The following SLC16A5 variants were observed in gnomAD, a reference collection of about 807,000 sequenced individuals.
SLC16A5 encodes monocarboxylate transporter 6.
SLC16A5 carries 29 observed loss-of-function variants against 33.2 expected under a neutral mutation model. The ratio of observed to expected loss-of-function variants is 0.87; its 90% CI spans 0.65 to 1.19. SLC16A5 has a LOEUF of 1.19. Ranked by LOEUF, SLC16A5 falls within the 50% of genes most tolerant of loss-of-function variation. The pLI is 0.00. For synonymous variants in SLC16A5, 248 were observed against 284.1 expected (o/e 0.87, Z 1.28); for missense variants, 606 against 678.2 (o/e 0.89, Z 1.18).
downstream of SLC16A5, among the ~76,000 whole-genome samples, chr17:75,106,914 A>G (rs1481678142): frequency 6.6e-6 from 1 of 150,656 alleles, no homozygotes; most frequent in Admixed American, 6.6e-5. Flanking sequence ...CAAACAAAAA[A>G]AACACTTTGG....
chr17:75,101,561 G>GAAA (rs531652324), intron 5 of SLC16A5, among the ~76,000 whole-genome samples: 7 of 45,668 alleles, frequency 1.5e-4, no homozygotes, highest in African/African-American at 3.1e-4. Context: ...GACTCCATCT[G>GAAA]AAAAAAAAAA....
intron 6 of SLC16A5, 168 bp from the exon 7 acceptor site, chr17:75,105,708 AAACT>A: frequency 1.0e-6 from 1 of 985,442 alleles, no homozygotes; most frequent in Middle Eastern, 5.2e-4. Context: ...AGCAGGTCAT[AAACT>A]CTGTGAACTA....
intron 2 of SLC16A5, chr17:75,089,841 C>G (rs1465805800): frequency 6.6e-6 from 1 of 151,056 alleles, no homozygotes; most frequent in African/African-American, 2.4e-5. Flanking sequence ...TCCCAGGATG[C>G]TGCTAGGGCT....
At chr17:75,102,816 T>G (rs1330400514) in intron 5 of SLC16A5, among the ~76,000 whole-genome samples, 5 of 151,736 alleles carry the variant, frequency 3.3e-5, no homozygotes, top group Non-Finnish European at 5.9e-5. Context: ...CACTACAACC[T>G]CTGCCTCCCA....
At chr17:75,108,399 A>G (rs1407705601), downstream of SLC16A5, among the ~76,000 whole-genome samples, 1 of 152,178 alleles carries the variant, frequency 6.6e-6, no homozygotes, top group Non-Finnish European at 1.5e-5. Context: ...AGGTACCCAG[A>G]CTAAGTTAGA....
At chr17:75,106,859 C>A (rs963539386), downstream of SLC16A5, among the ~76,000 whole-genome samples, 2 of 151,978 alleles carry the variant, frequency 1.3e-5, no homozygotes, top group African/African-American at 4.8e-5. Flanking sequence ...CACGCCACTG[C>A]ACTACAGCCT....
At chr17:75,100,876 G>T in intron 5 of SLC16A5, 60 bp downstream of exon 5, 9 of 1,432,598 alleles carry the variant, frequency 6.3e-6, no homozygotes, top group Non-Finnish European at 8.4e-6. Flanking sequence ...AGTTTAGACA[G>T]ATCTGGGCCC....
intron 6 of SLC16A5, 44 bp from the exon 7 acceptor site, chr17:75,105,836 C>T (rs2073855757): frequency 1.3e-6 from 2 of 1,514,898 alleles, no homozygotes; most frequent in Non-Finnish European, 8.9e-7. Flanking sequence ...CTCAACCAGG[C>T]TCCGCAAGAA....
At chr17:75,105,786 A>C in intron 6 of SLC16A5, 94 bp from the exon 7 acceptor site, 1 of 1,439,770 alleles carries the variant, frequency 6.9e-7, no homozygotes, top group East Asian at 2.6e-5. Flanking sequence ...CTAGCTCAGC[A>C]AGGGGTGCTC....
In SLC16A5 at chr17:75,100,105, G is replaced by A. The variant is rs375826033; in HGVS notation, c.442G>A (p.Val148Ile). 121 of 1,613,916 alleles carry A rather than the reference G, an allele frequency of 7.5e-5. 1 individual carries two copies. The highest frequency in any genetic ancestry group is 3.7e-4 in the Admixed American group (22 of 59,994). ...VLANALASMG[V>I]SLGITLWPLL... Reference sequence around the variant, plus strand: ...GGCCAACGCGCTGGCCTCGATGGGCGTCTCCCTGGGCATCACCCTCTGGCC... The same window carrying A: ...GGCCAACGCGCTGGCCTCGATGGGCATCTCCCTGGGCATCACCCTCTGGCC... The change falls in exon 5 of 7, where the codon GTC becomes ATC. Residue 148 changes from valine to isoleucine, a missense_variant. Coordinates refer to ENST00000329783, the MANE Select transcript of SLC16A5 (RefSeq NM_004695.4).
At chr17:75,088,855 C>T (rs560427316) in intron 1 of SLC16A5, 1 of 152,374 alleles carries the variant, frequency 6.6e-6, no homozygotes, top group South Asian at 2.1e-4. Context: ...TTCCCAGGGC[C>T]TAGTGAGGCC....
At chr17:75,093,937 T>C in intron 3 of SLC16A5, 102 bp downstream of exon 3, 1 of 1,482,592 alleles carries the variant, frequency 6.7e-7, no homozygotes, top group Non-Finnish European at 9.0e-7. Flanking sequence ...CCACAGGCTT[T>C]GCCTCCTGGG....
Position 75,098,045 on chromosome 17 carries a change from G to A in SLC16A5, c.207G>A (p.Leu69=), listed in dbSNP as rs61738950. The change falls in exon 4 of 7, where the codon CTG becomes CTA. Residue 69 remains leucine (L), a synonymous_variant. Transcript: ENST00000329783. ...GGCTGTCTTCTCCCACAGGGCCCCT[G>A]TGCAGCATCCTGGTGGGACGCTTCG... ...LTAVLHMAGP[L]CSILVGRFGC... 1.2e-3 allele frequency: 1,857 copies of A among 1,597,020 alleles called. 20 individuals are homozygous for A. In the African/African-American group the frequency reaches 0.023, roughly 20 times the overall value.
At position 75,104,036 on chromosome 17, in the gene SLC16A5, C is replaced by T. The variant is rs764269071; in HGVS notation, c.1220C>T (p.Ser407Leu). 3.7e-6 allele frequency: 6 copies of T among 1,614,138 alleles called. No homozygotes were observed. The highest frequency in any genetic ancestry group is 2.7e-5 in the African/African-American group (2 of 74,938). Residue 407 changes from serine to leucine, a missense_variant, in exon 6 of 7, where the codon TCA (serine) becomes TTA (leucine). Physicochemically the swap from Ser to Leu is moderately radical, Grantham distance 145. Coordinates refer to ENST00000329783, the MANE Select transcript of SLC16A5 (RefSeq NM_004695.4). ...TACATGTCCAGCTTCTTCCTCATCT[C>T]AGCTGCCCTCTTCATGGGTGGCAGC... ...VFYMSSFFLI[S>L]AALFMGGSFY...
At position 75,100,726 on chromosome 17, in the gene SLC16A5, G is replaced by A. The variant is rs767323165; in HGVS notation, c.1063G>A (p.Asp355Asn). Residue 355 changes from aspartate (D) to asparagine (N), a missense_variant, in exon 5 of 7, where the codon GAC (aspartate) becomes AAC (asparagine). Transcript: ENST00000329783. Reference sequence around the variant, plus strand: ...CGCCCTCATCTTCCAGGTTCTCATGGACATCGTCCCCATGGATCAGTTCCC... The same window carrying A: ...CGCCCTCATCTTCCAGGTTCTCATGAACATCGTCCCCATGGATCAGTTCCC... ...IGALIFQVLMDIVPMDQFPRA... is the reference protein window; with the variant it reads ...IGALIFQVLMNIVPMDQFPRA... 1.2e-6 allele frequency: 2 copies of A among 1,614,148 alleles called. No individual in the cohort carries two copies. Among genetic ancestry groups the A allele is most frequent in the Non-Finnish European group, 8.5e-7 (1 of 1,180,014 alleles).
chr17:75,097,788 C>T (rs1287013381), intron 3 of SLC16A5, among the ~76,000 whole-genome samples: 2 of 152,174 alleles, frequency 1.3e-5, no homozygotes, highest in Non-Finnish European at 2.9e-5. Context: ...TCAGGGAATC[C>T]TCATCAGGGT....
At chr17:75,104,317 G>A in intron 6 of SLC16A5, 137 bp downstream of exon 6, 2 of 1,469,976 alleles carry the variant, frequency 1.4e-6, no homozygotes, top group South Asian at 2.8e-5. Context: ...TGGGTGAAGA[G>A]TAGCCCAGGA....
chr17:75,098,290 C>A, intron 4 of SLC16A5, 109 bp downstream of exon 4: 2 of 1,412,664 alleles, frequency 1.4e-6, no homozygotes, highest in South Asian at 1.2e-5. Flanking sequence ...TGGCTGGGTG[C>A]GGTGGCTCAC....
At chr17:75,098,210 T>C in intron 4 of SLC16A5, 29 bp downstream of exon 4, 1 of 1,610,514 alleles carries the variant, frequency 6.2e-7, no homozygotes, top group Non-Finnish European at 8.5e-7. Flanking sequence ...CCAGAATTTA[T>C]AGGCACCTGC....
Sources: gnomAD v4.1 joint callset for allele counts (sites outside exome capture counted in the v4.1 genomes callset) on GRCh38, gnomAD v4.1.1 for gene constraint, MANE v1.5 for transcripts, NCBI Gene and HGNC (gene_info 2026-07-23, HGNC 2026-07-21) for gene names.